Variants in IL18R1 observed in about 807,000 individuals in gnomAD.
IL18R1 encodes the protein interleukin 18 receptor 1.
A neutral mutation model predicts 48.5 loss-of-function variants in IL18R1; 40 were observed. That is an observed-to-expected ratio of 0.82 (90% CI 0.64 to 1.07). IL18R1 has a LOEUF of 1.07. Among genes scored for constraint, IL18R1 ranks in the 50% least tolerant of loss-of-function variants. IL18R1 has a pLI of 0.00. For synonymous variants in IL18R1, 232 were observed against 225.9 expected (o/e 1.03, Z -0.24); for missense variants, 596 against 633.7 (o/e 0.94, Z 0.64).
intron 4 of IL18R1, 105 bp from the exon 5 acceptor site, chr2:102,375,802 T>C: frequency 1.4e-6 from 1 of 713,944 alleles, no homozygotes; most frequent in South Asian, 3.0e-5. Flanking sequence ...TACTTTCCAT[T>C]CTTTTTTCCT....
intron 8 of IL18R1, 145 bp from the exon 9 acceptor site, chr2:102,389,911 G>A: frequency 1.6e-6 from 1 of 638,662 alleles, no homozygotes; most frequent in Non-Finnish European, 2.7e-6. Flanking sequence ...GCAGGAATGT[G>A]GAGTCACTCA....
At chr2:102,373,705 C>T (rs1041802225) in intron 4 of IL18R1, among the ~76,000 whole-genome samples, 13 of 152,034 alleles carry the variant, frequency 8.6e-5, no homozygotes, top group East Asian at 1.9e-4. Flanking sequence ...AAAAAACATA[C>T]GCACTCCCAT....
chr2:102,394,622 G>A lies in IL18R1; in HGVS notation c.1265G>A (p.Gly422Glu). The A allele has an allele frequency of 6.3e-7, 1 of 1,597,534 alleles. No individual in the cohort carries two copies. The highest frequency in any genetic ancestry group is 8.5e-7 in the Non-Finnish European group (1 of 1,170,404). The change falls in exon 10 of 11, where the codon GGA (glycine) becomes GAA (glutamate). Residue 422 changes from glycine to glutamate, a missense_variant. Physicochemically the swap from Gly to Glu is moderately conservative, Grantham distance 98 (BLOSUM62 -2). Transcript: ENST00000233957. ...ATATTTGAAAGGGATGTAGTGCCTG[G>A]AGGAGGTAAGAGGGAATGCCAGATA... ...LCIFERDVVP[G>E]GAVVDEIHSL...
intron 3 of IL18R1, among the ~76,000 whole-genome samples, chr2:102,369,019 G>C (rs764235479): frequency 6.6e-6 from 1 of 152,026 alleles, no homozygotes; most frequent in East Asian, 1.9e-4. Context: ...GAACTCCCAG[G>C]CATCAGAAAA....
At chr2:102,383,899 CA>C (rs1680063204) in intron 6 of IL18R1, among the ~76,000 whole-genome samples, 1 of 152,090 alleles carries the variant, frequency 6.6e-6, no homozygotes, top group African/African-American at 2.4e-5. Flanking sequence ...CAAACAGTTA[CA>C]GTTTTTAATC....
intron 2 of IL18R1, among the ~76,000 whole-genome samples, chr2:102,365,434 C>T (rs1678833036): frequency 6.6e-6 from 1 of 152,190 alleles, no homozygotes; most frequent in African/African-American, 2.4e-5. Context: ...GATCCCATGG[C>T]CTTGGGCAGC....
intron 4 of IL18R1, among the ~76,000 whole-genome samples, chr2:102,374,889 G>A (rs1046150851): frequency 2.0e-5 from 3 of 152,172 alleles, no homozygotes; most frequent in African/African-American, 7.2e-5. Context: ...TAAGCCTGTT[G>A]ACTGATCATG....
chr2:102,392,043 A>G (rs1680588486), intron 9 of IL18R1, among the ~76,000 whole-genome samples: 1 of 152,154 alleles, frequency 6.6e-6, no homozygotes, highest in East Asian at 1.9e-4. Context: ...TATATAAAAG[A>G]TTTTTTGAAA....
chr2:102,381,306 G>C (rs1173265925), intron 5 of IL18R1, among the ~76,000 whole-genome samples: 1 of 152,240 alleles, frequency 6.6e-6, no homozygotes, highest in Non-Finnish European at 1.5e-5. Flanking sequence ...GGGCAGAAAG[G>C]CTCTTCCCAG....
At chr2:102,381,581 C>CA in intron 5 of IL18R1, 39 bp from the exon 6 acceptor site, 4 of 1,446,586 alleles carry the variant, frequency 2.8e-6, no homozygotes, top group Non-Finnish European at 3.9e-6. Flanking sequence ...AAGCTCAAGG[C>CA]AACACTAATA....
intron 6 of IL18R1, among the ~76,000 whole-genome samples, chr2:102,383,016 A>G (rs1218580741): frequency 1.1e-4 from 17 of 152,138 alleles, no homozygotes; most frequent in Admixed American, 1.1e-3. Flanking sequence ...AGTTTAAACC[A>G]TTACTTAAAA....
rs1301796077 is a variant in IL18R1, at chr2:102,372,109, A to G, written c.459A>G (p.Ser153=). 1.3e-6 allele frequency: 2 copies of G among 1,595,084 alleles called. No individual in the cohort carries two copies. Among genetic ancestry groups the G allele is most frequent in the Admixed American group, 3.7e-5 (2 of 53,602 alleles). ...SYYQTLVNST[S]LYKNCKKLLL... is the part of the protein sequence containing the mutation. The stretch of plus-strand genomic sequence containing the variant: ...ATCAAACACTGGTCAACAGCACATC[A>G]TTGTATAAGGTAATGCTTTTATAAT... The change falls in exon 4 of 11, where the codon TCA becomes TCG. Residue 153 remains serine (S), a synonymous_variant. Coordinates refer to ENST00000233957, the MANE Select transcript of IL18R1 (RefSeq NM_003855.5).
chr2:102,376,764 CCT>C, intron 5 of IL18R1, among the ~76,000 whole-genome samples: 1 of 152,200 alleles, frequency 6.6e-6, no homozygotes, highest in Admixed American at 6.5e-5. Context: ...TTTAATTAAA[CCT>C]CACCCAGTGA....
At chr2:102,358,800 G>A (rs764955473) in intron 1 of IL18R1, among the ~76,000 whole-genome samples, 32 of 152,220 alleles carry the variant, frequency 2.1e-4, no homozygotes, top group Non-Finnish European at 4.3e-4. Context: ...GATATCATGC[G>A]TTAAAAAGCA....
chr2:102,357,270 T>A (rs1016763390), intron 1 of IL18R1, among the ~76,000 whole-genome samples: 20 of 151,776 alleles, frequency 1.3e-4, no homozygotes, highest in Admixed American at 1.2e-3. Flanking sequence ...GGTGGGCGGA[T>A]CATGAGGTCA....
In IL18R1 at chr2:102,390,899, C is replaced by T. The variant is rs192454041; in HGVS notation, c.1111+682C>T. 3.1e-3 allele frequency among the ~76,000 whole-genome samples: 416 copies of T among 135,674 alleles called. 1 individual carries two copies. Among genetic ancestry groups the T allele is most frequent in the Non-Finnish European group, 5.0e-3 (326 of 64,850 alleles). 89.0% of individuals were successfully genotyped at this position (135,674 alleles called of 152,430 possible). ...GCAGTGAGTCGGGATCGCGCCGCTG[C>T]GCTCCAGCCTGGGCGACAAAGCAAG... On this transcript the variant is annotated intron_variant, in intron 9 of 10. Transcript: ENST00000233957.
In IL18R1 at chr2:102,375,858, T is replaced by C. The variant is rs879242072; in HGVS notation, c.469-49T>C. On this transcript the variant is annotated intron_variant, in intron 4 of 10. Transcript: ENST00000233957. Reference sequence around the variant, plus strand: ...CTCAAAAATTTGGATCACTGTAATATCAATTTGGCTTTTACTTAAAGTATT... The same window carrying C: ...CTCAAAAATTTGGATCACTGTAATACCAATTTGGCTTTTACTTAAAGTATT... The C allele has an allele frequency of 5.3e-6, 7 of 1,332,612 alleles. No homozygotes were observed. The South Asian group carries it at 1.2e-4, about 22-fold the overall frequency. 82.5% of individuals were successfully genotyped at this position (1,332,612 alleles called of 1,614,324 possible).
rs559291188 is a variant in IL18R1 at position 102,375,964 on chromosome 2, G to A, written c.526G>A (p.Glu176Lys). 17 of 1,606,556 alleles carry A rather than the reference G, an allele frequency of 1.1e-5. No individual in the cohort carries two copies. The highest frequency in any genetic ancestry group is 5.4e-5 in the African/African-American group (4 of 74,682). ...NKNPTIKKNA[E>K]FEDQGYYSCV... ...AAACCCAACGATAAAGAAGAACGCCGAGTTTGAAGATCAGGGGTATTACTC... is the reference window on the plus strand; with the variant it reads ...AAACCCAACGATAAAGAAGAACGCCAAGTTTGAAGATCAGGGGTATTACTC... Residue 176 changes from glutamate to lysine, a missense_variant, in exon 5 of 11, where the codon GAG becomes AAG. Transcript: ENST00000233957.
At chr2:102,381,187 C>T (rs368933612) in intron 5 of IL18R1, among the ~76,000 whole-genome samples, 7 of 152,316 alleles carry the variant, frequency 4.6e-5, no homozygotes, top group Admixed American at 6.5e-5. Flanking sequence ...TGCAAGGGAA[C>T]GGTGGGCACA....
Sources: allele counts gnomAD v4.1 joint callset (sites outside exome capture counted in the v4.1 genomes callset), GRCh38; gene constraint gnomAD v4.1.1; transcripts MANE v1.5; gene names NCBI Gene and HGNC (gene_info 2026-07-23, HGNC 2026-07-21).